Variants in CNTNAP5 observed in about 807,000 individuals in gnomAD.
CNTNAP5 encodes contactin associated protein family member 5, also known as contactin-associated protein-like 5.
A neutral mutation model predicts 150.2 loss-of-function variants in CNTNAP5; 72 were observed. The ratio of observed to expected loss-of-function variants is 0.48; its 90% CI spans 0.40 to 0.58. The LOEUF (loss-of-function observed/expected upper bound fraction) is 0.58, where lower values mean the gene tolerates loss of function less well. Ranked by LOEUF, CNTNAP5 falls within the 20% of genes least tolerant of loss-of-function variation. The probability of loss-of-function intolerance (pLI) is 0.00; values close to 1 mark genes in which losing one functional copy is unlikely to be tolerated. For synonymous variants in CNTNAP5, 672 were observed against 619.8 expected, an observed-to-expected ratio of 1.08 and a Z score of -1.25; for missense variants, 1,636 against 1,626.2, an observed-to-expected ratio of 1.01 and a Z score of -0.10.
intron 10 of CNTNAP5, among the ~76,000 whole-genome samples, chr2:124,551,763 G>A (rs756645088): frequency 3.3e-5 from 5 of 152,184 alleles, no homozygotes; most frequent in African/African-American, 9.6e-5. Flanking sequence ...AATTTCAAAG[G>A]CCTGTCATTT....
chr2:124,745,089 C>T (rs748728034), intron 13 of CNTNAP5, among the ~76,000 whole-genome samples: 8 of 151,320 alleles, frequency 5.3e-5, no homozygotes, highest in Admixed American at 6.6e-5. Context: ...GGATTCAAAA[C>T]GGAATTAAGA....
intron 19 of CNTNAP5, among the ~76,000 whole-genome samples, chr2:124,805,860 A>T (rs528323361): frequency 1.1e-4 from 16 of 152,206 alleles, no homozygotes; most frequent in African/African-American, 3.4e-4. Context: ...AGAAAGGGAG[A>T]GAGAGACAGA....
intron 11 of CNTNAP5, among the ~76,000 whole-genome samples, chr2:124,594,508 G>A (rs1696775288): frequency 6.6e-6 from 1 of 150,840 alleles, no homozygotes; most frequent in Non-Finnish European, 1.5e-5. Context: ...CTCTGTTTTG[G>A]TACCAGTACC....
intron 11 of CNTNAP5, among the ~76,000 whole-genome samples, chr2:124,577,084 ATTTC>A (rs1365192983): frequency 6.6e-6 from 1 of 152,146 alleles, no homozygotes; most frequent in Non-Finnish European, 1.5e-5. Flanking sequence ...TATAAGATTT[ATTTC>A]TTTTAGGTAG....
intron 8 of CNTNAP5, among the ~76,000 whole-genome samples, chr2:124,517,746 G>A (rs1694760472): frequency 1.3e-5 from 2 of 150,150 alleles, no homozygotes; most frequent in Admixed American, 6.6e-5. Context: ...GGGTTTTGGT[G>A]TTGGTGATGG....
chr2:124,431,955 C>T (rs549090019), intron 4 of CNTNAP5, among the ~76,000 whole-genome samples: 2 of 152,202 alleles, frequency 1.3e-5, no homozygotes, highest in South Asian at 4.1e-4. Flanking sequence ...AGGCAAATTT[C>T]CTCCATGTGG....
In CNTNAP5 at chr2:124,718,427, C is replaced by T. The variant is rs147591330; in HGVS notation, c.2078-28802C>T. On this transcript the variant is annotated intron_variant, in intron 13 of 23. Transcript: ENST00000682447. ...GTTAATGTCCCTGACCTTTATTTTTCCTATTTCTCTTCTGTGGCATTTTGT... is the reference window on the plus strand; with the variant it reads ...GTTAATGTCCCTGACCTTTATTTTTTCTATTTCTCTTCTGTGGCATTTTGT... Among the ~76,000 whole-genome samples the T allele has an allele frequency of 8.4e-4, 128 of 152,214 alleles. 2 individuals are homozygous for T. The highest frequency in any genetic ancestry group is 7.5e-3 in the Admixed American group (114 of 15,282).
rs1159952197 is a variant in CNTNAP5 at position 124,867,873 on chromosome 2, A to G, written c.3349-1802A>G. Among the ~76,000 whole-genome samples the G allele has an allele frequency of 3.3e-5, 5 of 152,306 alleles. No homozygotes were observed. In the East Asian group the frequency reaches 7.7e-4, roughly 24 times the overall value. ...TATATGAATATCCGTTAGGCATTGG[A>G]ATATTTAAGTAAATAGTTAAAATTG... is the stretch of plus-strand genomic sequence containing the variant. On this transcript the variant is annotated intron_variant, in intron 20 of 23. Transcript: ENST00000682447.
rs111899993 is a variant in CNTNAP5, at chr2:124,559,891, C to T, written c.1650-3326C>T. ...AACCAAAATGAACCAAGCTTGAAGG[C>T]AGCTCTACTAGTGCTCATTTATTAT... On this transcript the variant is annotated intron_variant, in intron 10 of 23. Coordinates refer to ENST00000682447, the MANE Select transcript of CNTNAP5 (RefSeq NM_001367498.1). Among the ~76,000 whole-genome samples the T allele has an allele frequency of 4.7e-3, 713 of 152,288 alleles. 7 individuals are homozygous for T. The highest frequency in any genetic ancestry group is 0.016 in the African/African-American group (671 of 41,554).
At chr2:124,128,418 C>T (rs1361849432) in intron 1 of CNTNAP5, among the ~76,000 whole-genome samples, 4 of 152,068 alleles carry the variant, frequency 2.6e-5, no homozygotes, top group Non-Finnish European at 5.9e-5. Flanking sequence ...AAGAACAATG[C>T]TGGAGAGGAT....
chr2:124,480,743 T>C (rs1378273023), intron 7 of CNTNAP5, among the ~76,000 whole-genome samples: 1 of 152,180 alleles, frequency 6.6e-6, no homozygotes, highest in Non-Finnish European at 1.5e-5. Context: ...AACTAACATA[T>C]TGTGTCTTTT....
chr2:124,705,827 T>C (rs1346954408), intron 13 of CNTNAP5, among the ~76,000 whole-genome samples: 2 of 152,188 alleles, frequency 1.3e-5, no homozygotes, highest in East Asian at 1.9e-4. Flanking sequence ...AGACACTGAA[T>C]GGTCTTGAAA....
chr2:124,088,804 A>G (rs1280792712), intron 1 of CNTNAP5, among the ~76,000 whole-genome samples: 2 of 152,082 alleles, frequency 1.3e-5, no homozygotes, highest in Non-Finnish European at 2.9e-5. Flanking sequence ...CTGGCTCCCT[A>G]CTTGGCTTTA....
chr2:124,375,895 A>G (rs1172144619), intron 3 of CNTNAP5, among the ~76,000 whole-genome samples: 1 of 152,128 alleles, frequency 6.6e-6, no homozygotes, highest in Non-Finnish European at 1.5e-5. Context: ...AAAACTACTT[A>G]CCACAGAATA....
intron 13 of CNTNAP5, among the ~76,000 whole-genome samples, chr2:124,726,057 T>C (rs1413731592): frequency 6.6e-6 from 1 of 152,128 alleles, no homozygotes; most frequent in Non-Finnish European, 1.5e-5. Context: ...CTGTTTTCTG[T>C]AATGACAATA....
intron 13 of CNTNAP5, among the ~76,000 whole-genome samples, chr2:124,732,651 TG>T (rs1308968797): frequency 6.6e-6 from 1 of 152,160 alleles, no homozygotes; most frequent in Non-Finnish European, 1.5e-5. Flanking sequence ...ATCCAGTTTA[TG>T]GAATTTTGTT....
intron 3 of CNTNAP5, among the ~76,000 whole-genome samples, chr2:124,395,556 T>C (rs1309609951): frequency 6.6e-6 from 1 of 152,190 alleles, no homozygotes; most frequent in African/African-American, 2.4e-5. Flanking sequence ...GACATGAGCC[T>C]GAAGAATAAC....
intron 10 of CNTNAP5, among the ~76,000 whole-genome samples, chr2:124,556,487 T>G (rs1347619008): frequency 6.6e-6 from 1 of 152,262 alleles, no homozygotes; most frequent in Non-Finnish European, 1.5e-5. Flanking sequence ...TAGTTTAAGG[T>G]TATTGTATTT....
At chr2:124,662,653 C>G (rs1678616276) in intron 13 of CNTNAP5, among the ~76,000 whole-genome samples, 1 of 152,180 alleles carries the variant, frequency 6.6e-6, no homozygotes, top group African/African-American at 2.4e-5. Context: ...TACAAAGTCA[C>G]AGACACATGT....
Sources: allele counts gnomAD v4.1 joint callset (sites outside exome capture counted in the v4.1 genomes callset), GRCh38; gene constraint gnomAD v4.1.1; transcripts MANE v1.5; gene names NCBI Gene and HGNC (gene_info 2026-07-23, HGNC 2026-07-21).